The following NELL1 variants were observed in gnomAD, a reference collection of about 807,000 sequenced individuals.
NELL1 encodes the protein neural EGFL like 1, also known as protein kinase C-binding protein NELL1.
A neutral mutation model predicts 107.4 loss-of-function variants in NELL1; 76 were observed. The ratio of observed to expected loss-of-function variants is 0.71; its 90% CI spans 0.59 to 0.86. The LOEUF (loss-of-function observed/expected upper bound fraction) is 0.86. NELL1 is among the 40% of genes least tolerant of loss of function. The probability of loss-of-function intolerance (pLI) is 0.00; values close to 1 mark genes in which losing one functional copy is unlikely to be tolerated. For missense variants in NELL1, 1,024 were observed against 1,005.5 expected (o/e 1.02, Z -0.25); for synonymous variants, 353 against 341.2 (o/e 1.03, Z -0.38).
intron 12 of NELL1, among the ~76,000 whole-genome samples, chr11:21,045,392 G>A (rs185121299): frequency 3.9e-5 from 6 of 152,236 alleles, no homozygotes; most frequent in Non-Finnish European, 7.4e-5. Flanking sequence ...CTTTTTCATA[G>A]TAGTATTTTG....
chr11:20,710,671 G>GT (rs1192028725), intron 2 of NELL1, among the ~76,000 whole-genome samples: 2 of 151,664 alleles, frequency 1.3e-5, no homozygotes, highest in African/African-American at 4.9e-5. Context: ...GTCCTGGAGT[G>GT]TTTTTTGTTG....
chr11:21,087,324 AT>A (rs1357244108), intron 12 of NELL1, among the ~76,000 whole-genome samples: 1 of 152,024 alleles, frequency 6.6e-6, no homozygotes, highest in Non-Finnish European at 1.5e-5. Flanking sequence ...TTTTAAGAAA[AT>A]TTTTTTGTTT....
intron 2 of NELL1, among the ~76,000 whole-genome samples, chr11:20,709,904 C>A (rs1302860867): frequency 2.0e-5 from 3 of 152,108 alleles, no homozygotes; most frequent in African/African-American, 7.2e-5. Flanking sequence ...GATTTTGTAT[C>A]CTGAATCTTT....
chr11:21,410,581 CA>C (rs1852351289), intron 15 of NELL1, among the ~76,000 whole-genome samples: 1 of 152,048 alleles, frequency 6.6e-6, no homozygotes, highest in Admixed American at 6.6e-5. Flanking sequence ...ATACCAACCA[CA>C]GTTAAATGTG....
At chr11:20,737,829 G>T (rs1190805354) in intron 2 of NELL1, among the ~76,000 whole-genome samples, 2 of 151,378 alleles carry the variant, frequency 1.3e-5, no homozygotes, top group Non-Finnish European at 2.9e-5. Flanking sequence ...ATTTAAAGTG[G>T]AGAAAAAATC....
chr11:21,309,298 A>G (rs1443577625), intron 14 of NELL1, among the ~76,000 whole-genome samples: 50 of 75,268 alleles, frequency 6.6e-4, no homozygotes, highest in Non-Finnish European at 1.5e-3. Flanking sequence ...ATATATATAT[A>G]TGTATATATA....
At chr11:20,859,590 A>C (rs1026951736) in intron 4 of NELL1, among the ~76,000 whole-genome samples, 2 of 152,198 alleles carry the variant, frequency 1.3e-5, no homozygotes, top group Non-Finnish European at 2.9e-5. Flanking sequence ...CTGCTCCAAT[A>C]TAAATTTTGA....
chr11:21,478,617 G>A (rs1020105596), intron 15 of NELL1, among the ~76,000 whole-genome samples: 1 of 151,718 alleles, frequency 6.6e-6, no homozygotes, highest in Non-Finnish European at 1.5e-5. Context: ...CTTTGGCCTG[G>A]GCAAAGATTT....
intron 13 of NELL1, among the ~76,000 whole-genome samples, chr11:21,127,619 AAG>A (rs1411252675): frequency 6.6e-6 from 1 of 151,930 alleles, no homozygotes; most frequent in Admixed American, 6.6e-5. Flanking sequence ...GAAGAGGAAG[AAG>A]AAGAGGAGGA....
At chr11:21,152,318 TC>T (rs1856136654) in intron 13 of NELL1, among the ~76,000 whole-genome samples, 1 of 152,268 alleles carries the variant, frequency 6.6e-6, no homozygotes, top group African/African-American at 2.4e-5. Context: ...TGCCAACCTT[TC>T]CCAGCGTAGT....
At chr11:20,914,019 C>T (rs1186188332) in intron 5 of NELL1, among the ~76,000 whole-genome samples, 1 of 151,940 alleles carries the variant, frequency 6.6e-6, no homozygotes, top group East Asian at 1.9e-4. Flanking sequence ...AACAAGACCT[C>T]TTTGTAGCAA....
intron 12 of NELL1, among the ~76,000 whole-genome samples, chr11:21,060,901 A>T (rs780404648): frequency 6.6e-6 from 1 of 151,982 alleles, no homozygotes; most frequent in Non-Finnish European, 1.5e-5. Context: ...ATGCCTGGCT[A>T]ATTTTTATAT....
At chr11:21,084,908 A>G (rs1362056057) in intron 12 of NELL1, among the ~76,000 whole-genome samples, 1 of 152,168 alleles carries the variant, frequency 6.6e-6, no homozygotes, top group African/African-American at 2.4e-5. Flanking sequence ...ACTACCTGGT[A>G]TTGAATCCTA....
intron 14 of NELL1, among the ~76,000 whole-genome samples, chr11:21,362,535 G>A (rs1851100899): frequency 6.6e-6 from 1 of 152,158 alleles, no homozygotes; most frequent in African/African-American, 2.4e-5. Flanking sequence ...AAGATGTTGT[G>A]GGCATTGGAA....
intron 15 of NELL1, among the ~76,000 whole-genome samples, chr11:21,533,944 A>G (rs1442548765): frequency 1.3e-5 from 2 of 152,190 alleles, no homozygotes; most frequent in Non-Finnish European, 2.9e-5. Flanking sequence ...AATCAGTTTA[A>G]TAATATTTAA....
At chr11:21,459,954 T>C (rs189925440) in intron 15 of NELL1, among the ~76,000 whole-genome samples, 1 of 152,214 alleles carries the variant, frequency 6.6e-6, no homozygotes, top group Admixed American at 6.5e-5. Context: ...AAGCAGGTTA[T>C]ATTCTTATGT....
At chr11:20,827,980 C>A (rs1269699297) in intron 3 of NELL1, among the ~76,000 whole-genome samples, 1 of 151,254 alleles carries the variant, frequency 6.6e-6, no homozygotes, top group Non-Finnish European at 1.5e-5. Context: ...ACAGCCTCAG[C>A]ATCTCTTTAT....
intron 3 of NELL1, among the ~76,000 whole-genome samples, chr11:20,787,754 T>A (rs1394235667): frequency 6.6e-6 from 1 of 152,238 alleles, no homozygotes; most frequent in Non-Finnish European, 1.5e-5. Flanking sequence ...TATAATTCAG[T>A]AGCTTTTAGT....
At chr11:21,285,240 C>G (rs1849090088) in intron 14 of NELL1, among the ~76,000 whole-genome samples, 1 of 152,192 alleles carries the variant, frequency 6.6e-6, no homozygotes, top group South Asian at 2.1e-4. Flanking sequence ...ATTCTCCCTT[C>G]TCTACGATAT....
Sources: allele counts gnomAD v4.1 joint callset (sites outside exome capture counted in the v4.1 genomes callset), GRCh38; gene constraint gnomAD v4.1.1; transcripts MANE v1.5; gene names NCBI Gene and HGNC (gene_info 2026-07-23, HGNC 2026-07-21).